Variants in MAP9 observed in about 807,000 individuals in gnomAD.
The protein encoded by MAP9 is microtubule associated protein 9, also known as microtubule-associated protein 9.
Under a neutral mutation model 75.2 loss-of-function variants are expected in MAP9, and 80 were observed. The ratio of observed to expected loss-of-function variants is 1.06; its 90% confidence interval spans 0.89 to 1.28. The LOEUF is 1.28. Among genes scored for constraint, MAP9 ranks in the 50% most tolerant of loss-of-function variants. MAP9 has a pLI of 0.00. For missense variants in MAP9, 753 were observed against 719.9 expected (o/e 1.05, Z -0.53); for synonymous variants, 235 against 237.3 (o/e 0.99, Z 0.09).
At chr4:155,373,526 C>A in intron 3 of MAP9, 70 bp from the exon 4 acceptor site, 1 of 1,018,242 alleles carries the variant, frequency 9.8e-7, no homozygotes, top group Non-Finnish European at 1.4e-6. Flanking sequence ...TTAACTTAAT[C>A]AAAGTTTACC....
Position 155,352,913 on chromosome 4 carries a change from A to T in MAP9, c.1687T>A (p.Trp563Arg), listed in dbSNP as rs1414572182. Residue 563 changes from tryptophan (W) to arginine (R), a missense_variant and splice_region_variant, in exon 12 of 14, where the codon TGG (tryptophan) becomes AGG (arginine). Coordinates refer to ENST00000311277, the MANE Select transcript of MAP9 (RefSeq NM_001039580.2). ...KKDNLTAVEK[W>R]NEKKEAFFKQ... Reference sequence around the variant, plus strand: ...AAAATATTTATGATTTTGGATTACCATTTCTCAACAGCAGTTAAATTATCT... The same window carrying T: ...AAAATATTTATGATTTTGGATTACCTTTTCTCAACAGCAGTTAAATTATCT... 1 of 1,518,798 alleles carries T rather than the reference A, an allele frequency of 6.6e-7. No homozygotes were observed. Among genetic ancestry groups the T allele is most frequent in the African/African-American group, 1.4e-5 (1 of 71,614 alleles). 94.1% of individuals were successfully genotyped at this position (1,518,798 alleles called of 1,614,324 possible). A position where few individuals can be genotyped will look rare whatever the true frequency, so the allele number is the denominator to read the frequency against.
intron 13 of MAP9, chr4:155,350,956 A>G (rs1242991833): frequency 6.6e-6 from 1 of 151,868 alleles, no homozygotes; most frequent in Non-Finnish European, 1.5e-5. Flanking sequence ...TTATTGTTTT[A>G]TCTTTTTATC....
chr4:155,364,366 A>G (rs1732226289), intron 5 of MAP9, among the ~76,000 whole-genome samples: 1 of 151,398 alleles, frequency 6.6e-6, no homozygotes, highest in South Asian at 2.1e-4. Context: ...CAGGACACAA[A>G]ATGGTAATCT....
chr4:155,365,690 T>C (rs1732291180), intron 5 of MAP9, among the ~76,000 whole-genome samples: 1 of 151,904 alleles, frequency 6.6e-6, no homozygotes, highest in African/African-American at 2.4e-5. Context: ...TAACTTATAA[T>C]TAACATCAAA....
Position 155,373,385 on chromosome 4 carries a change from T to C in MAP9, c.232A>G (p.Ile78Val). 1.2e-6 allele frequency: 2 copies of C among 1,606,224 alleles called. No homozygotes were observed. The highest frequency in any genetic ancestry group is 1.7e-6 in the Non-Finnish European group (2 of 1,176,580). ...SVNKKMNDFHISDDEEKNPSK... is the reference protein window; with the variant it reads ...SVNKKMNDFHVSDDEEKNPSK... ...GGATTCTTTTCTTCATCATCTGATATATGAAAGTCATTCATTTTTTTATTA... is the reference window on the plus strand; with the variant it reads ...GGATTCTTTTCTTCATCATCTGATACATGAAAGTCATTCATTTTTTTATTA... The change falls in exon 4 of 14, where the codon ATA becomes GTA. Residue 78 changes from isoleucine to valine, a missense_variant. Coordinates refer to ENST00000311277, the MANE Select transcript of MAP9 (RefSeq NM_001039580.2).
rs1732811173 is a variant in MAP9, at chr4:155,375,773, T to C, written c.75+3A>G. On this transcript the variant is annotated splice_donor_region_variant and intron_variant, in intron 2 of 13. Transcript: ENST00000311277. ...GAAATGATTCCAAATAAAAATACTT[T>C]ACCTGGAAAGTAGTTCTTTTGGTAA... 1 of 1,584,858 alleles carries C rather than the reference T, an allele frequency of 6.3e-7. No homozygotes were observed. Among genetic ancestry groups the C allele is most frequent in the African/African-American group, 1.3e-5 (1 of 74,268 alleles).
chr4:155,374,068 C>T (rs969728546), intron 3 of MAP9, among the ~76,000 whole-genome samples: 2 of 152,126 alleles, frequency 1.3e-5, no homozygotes, highest in Non-Finnish European at 2.9e-5. Flanking sequence ...AGGCCGGGTG[C>T]GGTGGCTCAC....
intron 12 of MAP9, 47 bp from the exon 13 acceptor site, chr4:155,352,775 A>G: frequency 2.7e-6 from 4 of 1,487,694 alleles, no homozygotes; most frequent in Non-Finnish European, 3.6e-6. Flanking sequence ...GAAAATACAT[A>G]ATAAAGATTC....
intron 3 of MAP9, among the ~76,000 whole-genome samples, chr4:155,373,719 C>T (rs1457170642): frequency 6.6e-6 from 1 of 152,088 alleles, no homozygotes; most frequent in Non-Finnish European, 1.5e-5. Flanking sequence ...ACCAAACAAC[C>T]AAACACTGTT....
Position 155,347,350 on chromosome 4 carries a change from TC to T in MAP9, c.*432del, listed in dbSNP as rs1405282321. 2 of 153,840 alleles carry T rather than the reference TC, an allele frequency of 1.3e-5. No homozygotes were observed. Among genetic ancestry groups the T allele is most frequent in the African/African-American group, 4.8e-5 (2 of 41,460 alleles). The allele number at this position is 153,840 out of a possible 1,614,324, so 9.5% of individuals were successfully genotyped here. A position where few individuals can be genotyped will look rare whatever the true frequency, so the allele number is the denominator to read the frequency against. ...TCAGAAGGAATAATATATGCGCACT[TC>T]CCAGCGACCCTTCATTTAAAAACCT... On this transcript the variant is annotated 3_prime_UTR_variant, in exon 14 of 14. Coordinates refer to ENST00000311277, the MANE Select transcript of MAP9 (RefSeq NM_001039580.2).
In MAP9 at chr4:155,344,427, T is replaced by G. The variant is rs562363336; in HGVS notation, c.*3356A>C. 7 of 152,082 alleles carry G rather than the reference T, an allele frequency of 4.6e-5. No homozygotes were observed. The East Asian group carries it at 1.4e-3, about 29-fold the overall frequency. 9.4% of individuals were successfully genotyped at this position (152,082 alleles called of 1,614,324 possible). On this transcript the variant is annotated 3_prime_UTR_variant, in exon 14 of 14. Coordinates refer to ENST00000311277, the MANE Select transcript of MAP9 (RefSeq NM_001039580.2). Reference sequence around the variant, plus strand: ...TTGTATGAGATTGGACAAGTCAAAGTACTTGACAATCAGTTTCTTCAACTT... The same window carrying G: ...TTGTATGAGATTGGACAAGTCAAAGGACTTGACAATCAGTTTCTTCAACTT...
chr4:155,360,518 T>A, intron 6 of MAP9, 103 bp from the exon 7 acceptor site: 1 of 1,106,312 alleles, frequency 9.0e-7, no homozygotes, highest in Non-Finnish European at 1.3e-6. Context: ...CTATAAACTC[T>A]TTTTTCTTGC....
rs1731192775 is a variant in MAP9, at chr4:155,343,822, A to C, written c.*3961T>G. The C allele has an allele frequency of 6.6e-6, 1 of 151,962 alleles. No homozygotes were observed. The highest frequency in any genetic ancestry group is 2.4e-5 in the African/African-American group (1 of 41,450). 9.4% of individuals were successfully genotyped at this position (151,962 alleles called of 1,614,324 possible). ...CATTATACAATTACATGTAATATAC[A>C]TATTCAAAATGGCATAATCACATGA... On this transcript the variant is annotated 3_prime_UTR_variant, in exon 14 of 14. Transcript: ENST00000311277.
chr4:155,372,935 C>T (rs1334653375), intron 4 of MAP9: 12 of 416,042 alleles, frequency 2.9e-5, no homozygotes, highest in Admixed American at 2.2e-4. Flanking sequence ...CAAAATACAA[C>T]AGGTCTGTAA....
chr4:155,359,702 T>C (rs906787964), intron 7 of MAP9, among the ~76,000 whole-genome samples: 2 of 152,092 alleles, frequency 1.3e-5, no homozygotes, highest in African/African-American at 4.8e-5. Flanking sequence ...CTAATGTTCC[T>C]GATGATAACC....
intron 5 of MAP9, among the ~76,000 whole-genome samples, chr4:155,364,204 A>G (rs998025469): frequency 2.6e-5 from 4 of 152,108 alleles, no homozygotes; most frequent in Admixed American, 2.6e-4. Context: ...GAGGTAGAAG[A>G]AGGCAACTGT....
At chr4:155,352,798 T>C in intron 12 of MAP9, 70 bp from the exon 13 acceptor site, 2 of 1,444,372 alleles carry the variant, frequency 1.4e-6, no homozygotes, top group Non-Finnish European at 1.9e-6. Context: ...TAGTACATCT[T>C]TGACAGTAAT....
intron 1 of MAP9, among the ~76,000 whole-genome samples, chr4:155,376,147 A>T (rs1013551971): frequency 6.6e-6 from 1 of 152,242 alleles, no homozygotes; most frequent in African/African-American, 2.4e-5. Context: ...AAAGTCTGCA[A>T]ATAAATGATT....
At chr4:155,362,350 G>A (rs947964210) in intron 5 of MAP9, 55 of 415,818 alleles carry the variant, frequency 1.3e-4, no homozygotes, top group Middle Eastern at 6.0e-4. Context: ...GTCATTAAAA[G>A]GGGTCACTGA....
Sources: gnomAD v4.1 joint callset for allele counts (sites outside exome capture counted in the v4.1 genomes callset) on GRCh38, gnomAD v4.1.1 for gene constraint, MANE v1.5 for transcripts, NCBI Gene and HGNC (gene_info 2026-07-23, HGNC 2026-07-21) for gene names.